The following CUEDC1 variants were observed in gnomAD, a reference collection of about 807,000 sequenced individuals.
CUEDC1 encodes CUE domain-containing protein 1.
A neutral mutation model predicts 43.7 loss-of-function variants in CUEDC1; 30 were observed. The observed-to-expected ratio is 0.69, with a 90% CI of 0.51 to 0.93. The LOEUF (loss-of-function observed/expected upper bound fraction) is 0.93. Ranked by LOEUF, CUEDC1 falls within the 40% of genes least tolerant of loss-of-function variation. The pLI is 0.00. For missense variants in CUEDC1, 486 were observed against 549.0 expected, an observed-to-expected ratio of 0.89 and a Z score of 1.15; for synonymous variants, 223 against 223.6, an observed-to-expected ratio of 1.00 and a Z score of 0.02.
chr17:57,923,360 C>T (rs2074715787), intron 1 of CUEDC1, among the ~76,000 whole-genome samples: 1 of 152,224 alleles, frequency 6.6e-6, no homozygotes, highest in South Asian at 2.1e-4. Context: ...CTCTCTCTCT[C>T]TTTGGCTTCC....
chr17:57,919,857 C>G (rs1300819114), intron 1 of CUEDC1, among the ~76,000 whole-genome samples: 1 of 152,156 alleles, frequency 6.6e-6, no homozygotes, highest in Non-Finnish European at 1.5e-5. Context: ...GGTAAAAGTG[C>G]CTCAGCACAA....
At chr17:57,939,878 C>G (rs1482939727) in intron 1 of CUEDC1, among the ~76,000 whole-genome samples, 3 of 152,190 alleles carry the variant, frequency 2.0e-5, no homozygotes, top group Non-Finnish European at 4.4e-5. Context: ...GCAGCGGCGT[C>G]CTGCAGGTGC....
chr17:57,866,723 G>T (rs148019547), intron 9 of CUEDC1, 179 bp from the exon 10 acceptor site: 10,397 of 601,762 alleles, frequency 0.017, 290 homozygotes, highest in Admixed American at 0.1. Flanking sequence ...GGACACTCAG[G>T]TGCTGGCCAG....
At chr17:57,937,142 T>C (rs1463772712) in intron 1 of CUEDC1, among the ~76,000 whole-genome samples, 1 of 152,086 alleles carries the variant, frequency 6.6e-6, no homozygotes, top group Non-Finnish European at 1.5e-5. Context: ...TTAAAGGGCC[T>C]GGGCACCCTG....
intron 7 of CUEDC1, chr17:57,868,489 C>A (rs2073991565): frequency 1.9e-6 from 1 of 538,252 alleles, no homozygotes; most frequent in African/African-American, 1.9e-5. Context: ...CTGAGCCAGG[C>A]CCAGGGACCG....
chr17:57,879,108 A>C (rs2074168776), intron 3 of CUEDC1, among the ~76,000 whole-genome samples: 1 of 152,182 alleles, frequency 6.6e-6, no homozygotes, highest in African/African-American at 2.4e-5. Context: ...AATCCTCACA[A>C]TATCCCTAGC....
At position 57,907,719 on chromosome 17, in the gene CUEDC1, G is replaced by A. The variant is rs1039044043; in HGVS notation, c.-315-21840C>T. ...AAATTAGCTGGGTGTGGAGACAAGC[G>A]CTTGTAATCCCAGCTATTCAGGAGG... On this transcript the variant is annotated intron_variant, in intron 1 of 10. Transcript: ENST00000577830. 6.6e-5 allele frequency among the ~76,000 whole-genome samples: 10 copies of A among 151,592 alleles called. No homozygotes were observed. The Middle Eastern group carries it at 0.01, about 155-fold the overall frequency.
At chr17:57,905,721 G>A (rs1336943202) in intron 1 of CUEDC1, among the ~76,000 whole-genome samples, 1 of 152,148 alleles carries the variant, frequency 6.6e-6, no homozygotes, top group Non-Finnish European at 1.5e-5. Flanking sequence ...AAACCAAGTG[G>A]CCAGGCCATG....
intron 1 of CUEDC1, among the ~76,000 whole-genome samples, chr17:57,944,490 G>T (rs919956467): frequency 6.6e-6 from 1 of 152,190 alleles, no homozygotes; most frequent in South Asian, 2.1e-4. Flanking sequence ...GATTACAGGC[G>T]TGAGCCACTG....
At chr17:57,875,662 C>CT (rs2074112760) in intron 3 of CUEDC1, among the ~76,000 whole-genome samples, 1 of 151,834 alleles carries the variant, frequency 6.6e-6, no homozygotes, top group African/African-American at 2.4e-5. Flanking sequence ...GTTTCAGAGA[C>CT]TGTCTTTCAG....
chr17:57,884,750 C>T (rs1243135119), intron 2 of CUEDC1, among the ~76,000 whole-genome samples: 3 of 152,244 alleles, frequency 2.0e-5, no homozygotes, highest in Non-Finnish European at 4.4e-5. Flanking sequence ...GCTGCTTCCA[C>T]GTCTCCATCG....
chr17:57,907,633 G>C (rs1478445162), intron 1 of CUEDC1, among the ~76,000 whole-genome samples: 1 of 152,138 alleles, frequency 6.6e-6, no homozygotes, highest in East Asian at 1.9e-4. Flanking sequence ...ATCACTTGAG[G>C]TCAGGAGTTC....
chr17:57,892,013 A>G (rs903378793), intron 1 of CUEDC1, among the ~76,000 whole-genome samples: 24 of 152,204 alleles, frequency 1.6e-4, no homozygotes, highest in African/African-American at 5.5e-4. Flanking sequence ...GGCATGGTCA[A>G]TAGACATTTA....
chr17:57,883,500 G>A (rs2074244190), intron 2 of CUEDC1, among the ~76,000 whole-genome samples: 1 of 152,230 alleles, frequency 6.6e-6, no homozygotes. Flanking sequence ...GAGGCGGGCA[G>A]ATCACCTGAG....
chr17:57,868,994 T>A, intron 7 of CUEDC1, 128 bp downstream of exon 7: 1 of 909,356 alleles, frequency 1.1e-6, no homozygotes, highest in Admixed American at 2.3e-5. Flanking sequence ...CAGCCTGCGA[T>A]GAAAATGTCA....
At chr17:57,899,201 C>T (rs998113242) in intron 1 of CUEDC1, among the ~76,000 whole-genome samples, 29 of 152,254 alleles carry the variant, frequency 1.9e-4, no homozygotes, top group African/African-American at 6.5e-4. Flanking sequence ...GAGAAGGGCC[C>T]AGCCCAGACA....
At chr17:57,950,128 A>G (rs1370963601) in intron 1 of CUEDC1, among the ~76,000 whole-genome samples, 1 of 152,126 alleles carries the variant, frequency 6.6e-6, no homozygotes, top group Non-Finnish European at 1.5e-5. Context: ...ATCCCTTCAC[A>G]GAAACCCTTG....
chr17:57,868,402 C>T (rs931254773), intron 7 of CUEDC1, 159 bp from the exon 8 acceptor site: 4 of 658,430 alleles, frequency 6.1e-6, no homozygotes, highest in African/African-American at 1.8e-5. Context: ...TGACAGGAAT[C>T]GCAGACCCCT....
chr17:57,942,935 G>A (rs1235243331), intron 1 of CUEDC1, among the ~76,000 whole-genome samples: 3 of 152,076 alleles, frequency 2.0e-5, no homozygotes, highest in Non-Finnish European at 1.5e-5. Context: ...GGCTGAGGCA[G>A]GAGAATGGCA....
Sources: gnomAD v4.1 joint callset for allele counts (sites outside exome capture counted in the v4.1 genomes callset) on GRCh38, gnomAD v4.1.1 for gene constraint, MANE v1.5 for transcripts, NCBI Gene and HGNC (gene_info 2026-07-23, HGNC 2026-07-21) for gene names.